COG5: variants seen among roughly 807,000 people sequenced by gnomAD.
The protein encoded by COG5 is component of oligomeric golgi complex 5, also known as conserved oligomeric Golgi complex subunit 5.
Under a neutral mutation model 110.4 loss-of-function variants are expected in COG5, and 86 were observed. The observed-to-expected ratio is 0.78, with a 90% CI of 0.65 to 0.93. The LOEUF is 0.93. Among genes scored for constraint, COG5 ranks in the 40% least tolerant of loss-of-function variants. COG5 has a pLI of 0.00. For missense variants in COG5, 1,077 were observed against 987.0 expected (o/e 1.09, Z -1.22); for synonymous variants, 360 against 334.6 (o/e 1.08, Z -0.83).
chr7:107,366,015 C>G (rs1013045694), intron 8 of COG5, among the ~76,000 whole-genome samples: 8 of 152,060 alleles, frequency 5.3e-5, no homozygotes, highest in Non-Finnish European at 1.0e-4. Context: ...AACATAGACA[C>G]TGGGGAGGGT....
At chr7:107,556,490 C>T (rs1232814546) in intron 2 of COG5, among the ~76,000 whole-genome samples, 1 of 152,052 alleles carries the variant, frequency 6.6e-6, no homozygotes, top group African/African-American at 2.4e-5. Flanking sequence ...ATGCTGCATA[C>T]AAGGAATAAG....
intron 6 of COG5, among the ~76,000 whole-genome samples, chr7:107,453,672 A>G (rs1272077116): frequency 6.6e-6 from 1 of 152,180 alleles, no homozygotes; most frequent in Admixed American, 6.5e-5. Flanking sequence ...CTTATCTGAA[A>G]TATCTTCATT....
At chr7:107,460,837 G>T (rs1221872881) in intron 6 of COG5, among the ~76,000 whole-genome samples, 1 of 151,994 alleles carries the variant, frequency 6.6e-6, no homozygotes, top group East Asian at 1.9e-4. Flanking sequence ...ACAAGTTGAT[G>T]TTAATAAATT....
intron 6 of COG5, among the ~76,000 whole-genome samples, chr7:107,417,586 C>G (rs922443441): frequency 8.5e-5 from 13 of 152,070 alleles, no homozygotes; most frequent in African/African-American, 2.9e-4. Context: ...ATTATTGGAT[C>G]AAAGTAACAC....
At position 107,554,295 on chromosome 7, in the gene COG5, C is replaced by T; in HGVS notation, c.282G>A (p.Glu94=). 1 of 1,613,942 alleles carries T rather than the reference C, an allele frequency of 6.2e-7. No individual in the cohort carries two copies. Among genetic ancestry groups the T allele is most frequent in the African/African-American group, 1.3e-5 (1 of 75,048 alleles). ...TTATTAGAAATATACCTTCCAACGA[C>T]TCAATCCCAGTTGCTTGTGCCAGTA... ...EDLLAQATGI[E]SLEGVLQMMQ... is the part of the protein sequence containing the mutation. Residue 94 remains glutamate (E), a synonymous_variant, in exon 3 of 22, where the codon GAG becomes GAA. Coordinates refer to ENST00000297135, the MANE Select transcript of COG5 (RefSeq NM_006348.5).
At chr7:107,523,857 T>C (rs2129154013) in intron 6 of COG5, among the ~76,000 whole-genome samples, 1 of 152,186 alleles carries the variant, frequency 6.6e-6, no homozygotes, top group East Asian at 1.9e-4. Flanking sequence ...TACAACAACT[T>C]TGAAAAATAA....
At chr7:107,414,614 A>G (rs1253580304) in intron 6 of COG5, among the ~76,000 whole-genome samples, 2 of 148,234 alleles carry the variant, frequency 1.3e-5, no homozygotes, top group Non-Finnish European at 3.0e-5. Flanking sequence ...TTGCCCTTCC[A>G]TTCATGAACC....
intron 10 of COG5, among the ~76,000 whole-genome samples, chr7:107,359,576 G>A (rs777236493): frequency 8.5e-5 from 13 of 152,174 alleles, no homozygotes; most frequent in Non-Finnish European, 1.3e-4. Context: ...CCAGTTCTGC[G>A]GACTGGAGTG....
rs182524971 is a variant in COG5, at chr7:107,423,520, C to G, written c.539-10888G>C. On this transcript the variant is annotated intron_variant, in intron 6 of 21. Transcript: ENST00000297135. ...TTATCACTGAAAAAAGAAATCAATT[C>G]TATACAATGAGAGAGGGAACATTTC... 4.3e-4 allele frequency among the ~76,000 whole-genome samples: 65 copies of G among 152,146 alleles called. 1 individual carries two copies. Among genetic ancestry groups the G allele is most frequent in the Middle Eastern group, 3.4e-3 (1 of 294 alleles).
chr7:107,231,556 C>T (rs759259953), intron 18 of COG5, among the ~76,000 whole-genome samples: 3 of 152,126 alleles, frequency 2.0e-5, no homozygotes, highest in African/African-American at 7.2e-5. Flanking sequence ...ATAAATAGCG[C>T]CCTGGTAAAG....
chr7:107,562,942 A>T (rs1462953327), intron 1 of COG5, among the ~76,000 whole-genome samples: 1 of 152,248 alleles, frequency 6.6e-6, no homozygotes, highest in East Asian at 1.9e-4. Context: ...TATTAAAAAA[A>T]GTTTGCAATA....
intron 7 of COG5, among the ~76,000 whole-genome samples, chr7:107,380,182 T>C (rs906020623): frequency 1.3e-5 from 2 of 152,070 alleles, no homozygotes; most frequent in Non-Finnish European, 2.9e-5. Context: ...AAGCAGTGTT[T>C]AGAGGGAAAT....
intron 21 of COG5, chr7:107,209,222 A>G: frequency 1.0e-6 from 1 of 985,460 alleles, no homozygotes; most frequent in Non-Finnish European, 1.2e-6. Context: ...GAATGACTTC[A>G]AGAGCTATTT....
At chr7:107,331,134 G>A (rs781705377) in intron 10 of COG5, among the ~76,000 whole-genome samples, 9 of 152,208 alleles carry the variant, frequency 5.9e-5, no homozygotes, top group South Asian at 2.1e-4. Flanking sequence ...ATAGTGAACC[G>A]CTTGAGAGTT....
At position 107,412,526 on chromosome 7, in the gene COG5, T is replaced by G; in HGVS notation, c.645A>C (p.Leu215=). 6.2e-7 allele frequency: 1 copy of G among 1,613,114 alleles called. No homozygotes were observed. The highest frequency in any genetic ancestry group is 8.5e-7 in the Non-Finnish European group (1 of 1,179,654). The change falls in exon 7 of 22, where the codon CTA becomes CTC. Residue 215 remains leucine (L), a synonymous_variant. Transcript: ENST00000297135. The part of the protein sequence containing the change: ...RLEVENQAKR[L]LEQGLETQNP... ...CCTGAGTCTCCAAACCCTGCTCTAG[T>G]AGGCGCTTAGCTTGATTTTCCACTT...
chr7:107,537,998 A>G (rs1285183743), intron 5 of COG5, among the ~76,000 whole-genome samples: 1 of 152,194 alleles, frequency 6.6e-6, no homozygotes, highest in Non-Finnish European at 1.5e-5. Flanking sequence ...CTCCCAAATC[A>G]TTTCTTTTCT....
chr7:107,486,793 T>C (rs938616871), intron 6 of COG5, among the ~76,000 whole-genome samples: 11 of 152,130 alleles, frequency 7.2e-5, no homozygotes, highest in Non-Finnish European at 1.2e-4. Context: ...ATTCATTAAG[T>C]AGTGTTGGAA....
intron 14 of COG5, among the ~76,000 whole-genome samples, chr7:107,260,545 T>G (rs960792857): frequency 3.3e-5 from 5 of 152,134 alleles, no homozygotes; most frequent in Admixed American, 2.0e-4. Flanking sequence ...TTATACGACA[T>G]GTGAATTATA....
intron 11 of COG5, among the ~76,000 whole-genome samples, chr7:107,309,735 T>A (rs1808048931): frequency 6.6e-6 from 1 of 152,232 alleles, no homozygotes; most frequent in African/African-American, 2.4e-5. Flanking sequence ...CTTATTTAAT[T>A]TTACTTTGTA....
Sources: allele counts gnomAD v4.1 joint callset (sites outside exome capture counted in the v4.1 genomes callset), GRCh38; gene constraint gnomAD v4.1.1; transcripts MANE v1.5; gene names NCBI Gene and HGNC (gene_info 2026-07-23, HGNC 2026-07-21).